The following ZFPM2 variants were observed in gnomAD, a reference collection of about 807,000 sequenced individuals.
ZFPM2 encodes zinc finger protein ZFPM2.
Under a neutral mutation model 98.6 loss-of-function variants are expected in ZFPM2, and 20 were observed. The ratio of observed to expected loss-of-function variants is 0.20; its 90% confidence interval spans 0.14 to 0.29. The LOEUF (loss-of-function observed/expected upper bound fraction) is 0.29, where lower values mean the gene tolerates loss of function less well. Among genes scored for constraint, ZFPM2 ranks in the 10% least tolerant of loss-of-function variants. ZFPM2 has a pLI of 1.00. For synonymous variants in ZFPM2, 518 were observed against 502.7 expected (o/e 1.03, Z -0.41); for missense variants, 1,310 against 1,388.6 (o/e 0.94, Z 0.90).
At chr8:105,415,895 C>A (rs1811671101) in intron 1 of ZFPM2, among the ~76,000 whole-genome samples, 1 of 152,010 alleles carries the variant, frequency 6.6e-6, no homozygotes, top group Non-Finnish European at 1.5e-5. Context: ...ATCAAATGAC[C>A]TTCCTATGGC....
At chr8:105,484,141 A>G (rs1307353077) in intron 3 of ZFPM2, among the ~76,000 whole-genome samples, 6 of 152,108 alleles carry the variant, frequency 3.9e-5, no homozygotes, top group African/African-American at 7.2e-5. Context: ...GTGTTTGCCA[A>G]ATATAATGAT....
At chr8:105,462,864 G>C (rs1243685829) in intron 3 of ZFPM2, among the ~76,000 whole-genome samples, 3 of 151,988 alleles carry the variant, frequency 2.0e-5, no homozygotes, top group African/African-American at 7.2e-5. Flanking sequence ...AAAAATAAAA[G>C]TCGTTTATTC....
At chr8:105,718,259 G>A (rs1441294946) in intron 5 of ZFPM2, among the ~76,000 whole-genome samples, 2 of 151,802 alleles carry the variant, frequency 1.3e-5, no homozygotes, top group Non-Finnish European at 2.9e-5. Flanking sequence ...TTCTGGGTGT[G>A]GTGGCTGACT....
At chr8:105,780,876 G>A (rs749797198) in intron 5 of ZFPM2, among the ~76,000 whole-genome samples, 6 of 152,280 alleles carry the variant, frequency 3.9e-5, no homozygotes, top group Middle Eastern at 3.4e-3. Flanking sequence ...GCAAAACTCC[G>A]TCTCAAATAA....
intron 6 of ZFPM2, chr8:105,797,362 T>TTAGAG (rs775172311): frequency 7.9e-5 from 12 of 152,216 alleles, no homozygotes; most frequent in Non-Finnish European, 1.2e-4. Context: ...TGTGTTTCCC[T>TTAGAG]TAGAGTACTG....
chr8:105,632,899 G>GT (rs1267074421), intron 4 of ZFPM2, among the ~76,000 whole-genome samples: 5 of 151,702 alleles, frequency 3.3e-5, no homozygotes, highest in African/African-American at 9.7e-5. Flanking sequence ...ATTTGAAGTA[G>GT]TTTTTTTTCA....
intron 3 of ZFPM2, among the ~76,000 whole-genome samples, chr8:105,548,595 G>T (rs1355686946): frequency 1.3e-5 from 2 of 151,974 alleles, no homozygotes; most frequent in Admixed American, 6.6e-5. Flanking sequence ...TAACAAATGT[G>T]TTAAAATGCT....
chr8:105,712,850 C>T (rs1176077586), intron 5 of ZFPM2, among the ~76,000 whole-genome samples: 1 of 152,032 alleles, frequency 6.6e-6, no homozygotes, highest in Non-Finnish European at 1.5e-5. Flanking sequence ...GGATTATGGC[C>T]TCCAGCTGCA....
At chr8:105,408,725 T>C (rs1811517603) in intron 1 of ZFPM2, among the ~76,000 whole-genome samples, 1 of 151,854 alleles carries the variant, frequency 6.6e-6, no homozygotes, top group South Asian at 2.1e-4. Context: ...TGCAGGACTG[T>C]ACAGGCTTAG....
rs138224525 is a variant in ZFPM2, at chr8:105,390,004, G to A, written c.41-29140G>A. Among the ~76,000 whole-genome samples the A allele has an allele frequency of 5.7e-4, 86 of 152,174 alleles. No homozygotes were observed. The East Asian group carries it at 0.015, about 26-fold the overall frequency. On this transcript the variant is annotated intron_variant, in intron 1 of 7. Transcript: ENST00000407775. ...TTAAGTACGTCCCTTATAATATCTG[G>A]TATTTATGTATATTAAAATCATGCT... is the stretch of plus-strand genomic sequence containing the variant.
At chr8:105,443,131 A>G (rs1586376234) in intron 2 of ZFPM2, among the ~76,000 whole-genome samples, 1 of 152,144 alleles carries the variant, frequency 6.6e-6, no homozygotes, top group East Asian at 1.9e-4. Context: ...CAACATGGTG[A>G]AACCCCATCT....
At chr8:105,365,439 T>G (rs1810488204) in intron 1 of ZFPM2, among the ~76,000 whole-genome samples, 2 of 152,200 alleles carry the variant, frequency 1.3e-5, no homozygotes, top group African/African-American at 2.4e-5. Context: ...TAAATTCCAT[T>G]ATCAGATATT....
chr8:105,735,397 T>G (rs1586228659), intron 5 of ZFPM2, among the ~76,000 whole-genome samples: 1 of 151,714 alleles, frequency 6.6e-6, no homozygotes, highest in East Asian at 1.9e-4. Context: ...ATTGTCTTTT[T>G]AATTTTTTGA....
intron 5 of ZFPM2, among the ~76,000 whole-genome samples, chr8:105,634,684 T>A (rs1563751999): frequency 6.6e-6 from 1 of 152,166 alleles, no homozygotes; most frequent in Admixed American, 6.6e-5. Context: ...AATTTCTCCT[T>A]TTAGACATTA....
chr8:105,526,016 A>G (rs1262241258), intron 3 of ZFPM2, among the ~76,000 whole-genome samples: 2 of 152,208 alleles, frequency 1.3e-5, no homozygotes, highest in African/African-American at 4.8e-5. Context: ...GTACACCCAT[A>G]TGTAAACTCT....
At chr8:105,713,245 A>G (rs1462813608) in intron 5 of ZFPM2, among the ~76,000 whole-genome samples, 3 of 152,190 alleles carry the variant, frequency 2.0e-5, no homozygotes, top group Admixed American at 6.6e-5. Flanking sequence ...GTGAGATGCC[A>G]TCTCATTGTG....
At position 105,803,537 on chromosome 8, in the gene ZFPM2, G is replaced by T. The variant is rs761103207; in HGVS notation, c.3455G>T (p.Ter1152LeuextTer3). The change falls in exon 8 of 8, where the codon TGA (stop) becomes TTA (leucine). Residue 1152 changes from the stop codon to leucine (L), a stop_lost. Coordinates refer to ENST00000407775, the MANE Select transcript of ZFPM2 (RefSeq NM_012082.4). ...CSSHAAEHVK[*>L] The stretch of plus-strand genomic sequence containing the variant: ...TCACATGCAGCAGAACATGTCAAAT[G>T]AACTAACTAAACATCAGTCACCTTT... 1.2e-6 allele frequency: 2 copies of T among 1,603,604 alleles called. No homozygotes were observed. The highest frequency in any genetic ancestry group is 2.2e-5 in the South Asian group (2 of 89,368).
At chr8:105,353,111 CATT>C (rs1812679545) in intron 1 of ZFPM2, among the ~76,000 whole-genome samples, 3 of 152,170 alleles carry the variant, frequency 2.0e-5, no homozygotes, top group African/African-American at 7.2e-5. Flanking sequence ...AACCTTCCAA[CATT>C]ATGATGAATA....
chr8:105,688,713 A>G (rs1810804909), intron 5 of ZFPM2, among the ~76,000 whole-genome samples: 1 of 152,058 alleles, frequency 6.6e-6, no homozygotes, highest in African/African-American at 2.4e-5. Flanking sequence ...ACACACAAAT[A>G]TTTTTCAAGG....
Sources: allele counts gnomAD v4.1 joint callset (sites outside exome capture counted in the v4.1 genomes callset), GRCh38; gene constraint gnomAD v4.1.1; transcripts MANE v1.5; gene names NCBI Gene and HGNC (gene_info 2026-07-23, HGNC 2026-07-21).